The following TIAM2 variants were observed in gnomAD, a reference collection of about 807,000 sequenced individuals.
The protein encoded by TIAM2 is TIAM Rac1 associated GEF 2, also known as rho guanine nucleotide exchange factor TIAM2.
A neutral mutation model predicts 152.9 loss-of-function variants in TIAM2; 80 were observed. The ratio of observed to expected loss-of-function variants is 0.52; its 90% CI spans 0.44 to 0.63. The LOEUF (loss-of-function observed/expected upper bound fraction) is 0.63. Among genes scored for constraint, TIAM2 ranks in the 30% least tolerant of loss-of-function variants. The probability of loss-of-function intolerance (pLI) is 0.00; values close to 1 mark genes in which losing one functional copy is unlikely to be tolerated. For synonymous variants in TIAM2, 804 were observed against 838.0 expected (o/e 0.96, Z 0.70); for missense variants, 1,965 against 2,120.1 (o/e 0.93, Z 1.44).
intron 1 of TIAM2, among the ~76,000 whole-genome samples, chr6:155,008,595 A>AT (rs35745208): frequency 5.3e-4 from 79 of 149,854 alleles, no homozygotes; most frequent in Non-Finnish European, 8.2e-4. Flanking sequence ...TCTGGAAATA[A>AT]TTTTTTTTTT....
chr6:155,077,600 G>C (rs1777988270), intron 1 of TIAM2, among the ~76,000 whole-genome samples: 1 of 152,290 alleles, frequency 6.6e-6, no homozygotes, highest in South Asian at 2.1e-4. Context: ...GCTTACGATG[G>C]AAGAAAGCCT....
intron 1 of TIAM2, among the ~76,000 whole-genome samples, chr6:155,049,037 G>A (rs1051783805): frequency 1.3e-5 from 2 of 152,078 alleles, no homozygotes; most frequent in African/African-American, 4.8e-5. Context: ...CTGACCTCAA[G>A]TGATCCGCCC....
chr6:155,142,558 G>A (rs1350375567), intron 5 of TIAM2, among the ~76,000 whole-genome samples: 1 of 152,186 alleles, frequency 6.6e-6, no homozygotes, highest in African/African-American at 2.4e-5. Context: ...CCTGGTCCTC[G>A]GGCCCCGGGT....
chr6:155,100,587 T>C (rs961323568), intron 2 of TIAM2, among the ~76,000 whole-genome samples: 2 of 152,194 alleles, frequency 1.3e-5, no homozygotes, highest in African/African-American at 4.8e-5. Flanking sequence ...ATGCAGTTAC[T>C]TAACATGTAT....
intron 2 of TIAM2, among the ~76,000 whole-genome samples, chr6:155,098,359 G>A (rs1778466953): frequency 6.6e-6 from 1 of 152,084 alleles, no homozygotes; most frequent in African/African-American, 2.4e-5. Context: ...TATTTTATCA[G>A]TGTGTTACAG....
chr6:155,105,927 G>A (rs1009853764), intron 2 of TIAM2, among the ~76,000 whole-genome samples: 4 of 151,638 alleles, frequency 2.6e-5, no homozygotes, highest in African/African-American at 7.3e-5. Context: ...TCATCATCCC[G>A]CCTCCACAAT....
intron 2 of TIAM2, among the ~76,000 whole-genome samples, chr6:155,123,015 TC>T (rs147690840): frequency 0.022 from 3,380 of 152,230 alleles, 121 homozygotes; most frequent in African/African-American, 0.077. Context: ...CCTTAAATAT[TC>T]CCTTGCTTCC....
intron 1 of TIAM2, among the ~76,000 whole-genome samples, chr6:155,076,943 T>G (rs577222110): frequency 3.9e-4 from 59 of 152,248 alleles, no homozygotes; most frequent in Non-Finnish European, 7.6e-4. Flanking sequence ...TGATCCACCC[T>G]CCTCGGCCTC....
chr6:155,103,844 C>A (rs1778604170), intron 2 of TIAM2, among the ~76,000 whole-genome samples: 1 of 151,348 alleles, frequency 6.6e-6, no homozygotes, highest in African/African-American at 2.4e-5. Context: ...TTTCCTTCTC[C>A]TGCACAATTT....
Position 155,047,708 on chromosome 6 carries a change from AGAGAGAGAGAGAGAGAGC to A in TIAM2, c.-208-42563_-208-42546del, listed in dbSNP as rs1314814369. On this transcript the variant is annotated intron_variant, in intron 1 of 26. Transcript: ENST00000682666. ...AGAGAGGAGAGAGAGAGAGAGAGCGAGAGAGAGAGAGAGAGAGCGAGAGAGAGAGAGAGAGAGCGAGCG... is the reference window on the plus strand; with the variant it reads ...AGAGAGGAGAGAGAGAGAGAGAGCGAGAGAGAGAGAGAGAGAGAGCGAGCG... Among the ~76,000 whole-genome samples, 360 of 92,578 alleles carry A rather than the reference AGAGAGAGAGAGAGAGAGC, an allele frequency of 3.9e-3. 13 individuals are homozygous for A. The highest frequency in any genetic ancestry group is 0.02 in the South Asian group (43 of 2,146). The allele number at this position is 92,578 out of a possible 152,430, so 60.7% of individuals were successfully genotyped here. A position where few individuals can be genotyped will look rare whatever the true frequency, so the allele number is the denominator to read the frequency against.
At chr6:155,183,088 T>C (rs1050238422) in intron 13 of TIAM2, 149 bp from the exon 14 acceptor site, 7 of 982,370 alleles carry the variant, frequency 7.1e-6, no homozygotes, top group Non-Finnish European at 1.0e-5. Flanking sequence ...CACCTGCCAC[T>C]GTGCCTGGCT....
chr6:154,997,839 T>C (rs1228818287), intron 1 of TIAM2, among the ~76,000 whole-genome samples: 1 of 151,854 alleles, frequency 6.6e-6, no homozygotes, highest in Non-Finnish European at 1.5e-5. Flanking sequence ...GGTTTCGCCA[T>C]GTTGCCCAGG....
chr6:155,060,384 A>G (rs1045538296), intron 1 of TIAM2, among the ~76,000 whole-genome samples: 3 of 152,164 alleles, frequency 2.0e-5, no homozygotes, highest in African/African-American at 7.2e-5. Context: ...TCTAGGCAAC[A>G]AGAGCGAAAC....
At chr6:155,019,150 ATG>A (rs1235291993) in intron 1 of TIAM2, among the ~76,000 whole-genome samples, 4 of 151,868 alleles carry the variant, frequency 2.6e-5, no homozygotes, top group Non-Finnish European at 5.9e-5. Context: ...AGCCTGGCCA[ATG>A]CGGTGAAACC....
chr6:155,035,226 A>AT (rs34425957), intron 1 of TIAM2, among the ~76,000 whole-genome samples: 6,205 of 137,014 alleles, frequency 0.045, 236 homozygotes, highest in African/African-American at 0.1. Context: ...GTATCGTCCT[A>AT]TTTTTTTTTT....
chr6:155,172,645 TATATATATATATATATATATATA>T (rs1780614308), intron 9 of TIAM2, among the ~76,000 whole-genome samples: 1 of 15,974 alleles, frequency 6.3e-5, no homozygotes, highest in African/African-American at 2.5e-4. Context: ...GTTGGAAATA[TATATATATATATATATATATATA>T]TATATATATA....
At chr6:155,025,194 A>ATT (rs781027891) in intron 1 of TIAM2, among the ~76,000 whole-genome samples, 21,214 of 121,074 alleles carry the variant, frequency 0.18, 2,050 homozygotes, top group Middle Eastern at 0.25. Context: ...TAATTTTTGT[A>ATT]TTTTTTTTTT....
chr6:155,111,920 C>G (rs1778861370), intron 2 of TIAM2, among the ~76,000 whole-genome samples: 1 of 152,180 alleles, frequency 6.6e-6, no homozygotes. Context: ...ACCTTATCCT[C>G]AAACTCAATC....
Position 155,148,541 on chromosome 6 carries a change from C to A in TIAM2, c.2028+207C>A, listed in dbSNP as rs536113737. Reference sequence around the variant, plus strand: ...ATGGGTGATATGATATGCTTTATGACCTTTGGCGGCTCTATGTATATACTG... The same window carrying A: ...ATGGGTGATATGATATGCTTTATGAACTTTGGCGGCTCTATGTATATACTG... On this transcript the variant is annotated intron_variant, in intron 7 of 26. Transcript: ENST00000682666. Among the ~76,000 whole-genome samples, 22 of 152,184 alleles carry A rather than the reference C, an allele frequency of 1.4e-4. No individual in the cohort carries two copies. In the East Asian group the frequency reaches 3.5e-3, roughly 24 times the overall value.
Sources: allele counts gnomAD v4.1 joint callset (sites outside exome capture counted in the v4.1 genomes callset), GRCh38; gene constraint gnomAD v4.1.1; transcripts MANE v1.5; gene names NCBI Gene and HGNC (gene_info 2026-07-23, HGNC 2026-07-21).